GHR: variants seen among roughly 807,000 people sequenced by gnomAD.
GHR encodes growth hormone receptor, also known as GH receptor.
A neutral mutation model predicts 67.1 loss-of-function variants in GHR; 35 were observed. That is an observed-to-expected ratio of 0.52 (90% CI 0.40 to 0.69). The LOEUF (loss-of-function observed/expected upper bound fraction) is 0.69, where lower values mean the gene tolerates loss of function less well. GHR is among the 30% of genes least tolerant of loss of function. GHR has a pLI of 0.00. For synonymous variants in GHR, 272 were observed against 269.1 expected, an observed-to-expected ratio of 1.01 and a Z score of -0.10; for missense variants, 792 against 764.6, an observed-to-expected ratio of 1.04 and a Z score of -0.42.
chr5:42,538,325 T>C (rs904841592), intron 1 of GHR, among the ~76,000 whole-genome samples: 9 of 152,220 alleles, frequency 5.9e-5, no homozygotes, highest in African/African-American at 2.2e-4. Flanking sequence ...CAGGATTTGT[T>C]TCAAGATTTA....
intron 2 of GHR, among the ~76,000 whole-genome samples, chr5:42,626,220 A>G (rs1487950624): frequency 2.6e-5 from 4 of 152,216 alleles, no homozygotes; most frequent in Admixed American, 6.5e-5. Context: ...ATAGCATCAG[A>G]TAACCACAGG....
chr5:42,621,666 A>T (rs564094286), intron 2 of GHR, among the ~76,000 whole-genome samples: 2 of 152,164 alleles, frequency 1.3e-5, no homozygotes, highest in Admixed American at 1.3e-4. Context: ...GTATTTAAAC[A>T]TGTGCTTTTT....
intron 1 of GHR, among the ~76,000 whole-genome samples, chr5:42,456,858 T>C (rs1485558657): frequency 2.0e-5 from 3 of 152,132 alleles, no homozygotes; most frequent in Non-Finnish European, 4.4e-5. Context: ...AGAAACTCCA[T>C]CTCATTAATA....
At chr5:42,464,798 G>A (rs1744654943) in intron 1 of GHR, among the ~76,000 whole-genome samples, 1 of 152,130 alleles carries the variant, frequency 6.6e-6, no homozygotes, top group Admixed American at 6.5e-5. Context: ...ACTTACTAAT[G>A]TCTATCATTA....
At position 42,596,671 on chromosome 5, in the gene GHR, G is replaced by A. The variant is rs572825610; in HGVS notation, c.70+30727G>A. Among the ~76,000 whole-genome samples, 81 of 152,278 alleles carry A rather than the reference G, an allele frequency of 5.3e-4. 1 individual carries two copies. The highest frequency in any genetic ancestry group is 5.2e-3 in the Admixed American group (80 of 15,306). On this transcript the variant is annotated intron_variant, in intron 2 of 9. Coordinates refer to ENST00000230882, the MANE Select transcript of GHR (RefSeq NM_000163.5). ...TGCCAGTTCAGTGTTTGTGGTTGCA[G>A]GTAGTATCAGCTCCTCTCCTGATAT... is the stretch of plus-strand genomic sequence containing the variant.
chr5:42,482,356 T>C (rs961816945), intron 1 of GHR, among the ~76,000 whole-genome samples: 45 of 152,334 alleles, frequency 3.0e-4, no homozygotes, highest in African/African-American at 1.1e-3. Flanking sequence ...GCAGTCTGCC[T>C]GTTCTCAGAT....
chr5:42,596,572 C>A (rs373040900), intron 2 of GHR, among the ~76,000 whole-genome samples: 2 of 152,154 alleles, frequency 1.3e-5, no homozygotes, highest in South Asian at 2.1e-4. Context: ...AGCATTGACT[C>A]CTCCTCTGGT....
chr5:42,656,583 A>G (rs1013878968), intron 3 of GHR, among the ~76,000 whole-genome samples: 5 of 152,130 alleles, frequency 3.3e-5, no homozygotes, highest in African/African-American at 1.2e-4. Flanking sequence ...GAAAATATAT[A>G]TTGTATTGCC....
chr5:42,459,063 T>C (rs569390396), intron 1 of GHR, among the ~76,000 whole-genome samples: 2 of 152,310 alleles, frequency 1.3e-5, no homozygotes, highest in East Asian at 3.9e-4. Flanking sequence ...GGTGGGAATG[T>C]AAATTAGTTC....
intron 2 of GHR, among the ~76,000 whole-genome samples, chr5:42,588,526 CAAAAAAAAA>C (rs10716908): frequency 4.4e-5 from 2 of 45,142 alleles, no homozygotes; most frequent in African/African-American, 7.9e-5. Context: ...AACTCCATCT[CAAAAAAAAA>C]AAAAAAAAAA....
intron 1 of GHR, among the ~76,000 whole-genome samples, chr5:42,465,037 TTAAAGA>T (rs1449229878): frequency 5.9e-5 from 9 of 152,348 alleles, no homozygotes; most frequent in South Asian, 2.1e-4. Context: ...TGTGAACATC[TTAAAGA>T]TAAAGAATGA....
chr5:42,433,174 A>G (rs1004153014), intron 1 of GHR, among the ~76,000 whole-genome samples: 5 of 152,092 alleles, frequency 3.3e-5, no homozygotes, highest in Non-Finnish European at 7.4e-5. Context: ...CTTGGGAGAC[A>G]TATCTACTTT....
At chr5:42,634,357 A>G (rs1754067300) in intron 3 of GHR, among the ~76,000 whole-genome samples, 1 of 152,086 alleles carries the variant, frequency 6.6e-6, no homozygotes, top group African/African-American at 2.4e-5. Context: ...CCCTAAAATC[A>G]TTATGTCTTT....
intron 1 of GHR, among the ~76,000 whole-genome samples, chr5:42,550,938 C>T (rs1748997170): frequency 6.6e-6 from 1 of 152,138 alleles, no homozygotes. Flanking sequence ...CAACTTCTAG[C>T]CCTCTCTTTT....
intron 3 of GHR, among the ~76,000 whole-genome samples, chr5:42,667,740 T>C (rs1756063148): frequency 6.6e-6 from 1 of 152,192 alleles, no homozygotes; most frequent in Non-Finnish European, 1.5e-5. Context: ...CAGATTCTGA[T>C]CCAGTAGGTA....
chr5:42,456,494 T>C (rs1281449383), intron 1 of GHR, among the ~76,000 whole-genome samples: 1 of 152,158 alleles, frequency 6.6e-6, no homozygotes, highest in Non-Finnish European at 1.5e-5. Context: ...GTATAGTGCT[T>C]AAATGCCTTT....
intron 1 of GHR, among the ~76,000 whole-genome samples, chr5:42,503,168 C>T (rs1746614407): frequency 6.6e-6 from 1 of 152,174 alleles, no homozygotes; most frequent in East Asian, 1.9e-4. Flanking sequence ...TTATGCTCAA[C>T]CTTCTGAGCA....
At chr5:42,489,798 T>A (rs1282192853) in intron 1 of GHR, among the ~76,000 whole-genome samples, 1 of 152,200 alleles carries the variant, frequency 6.6e-6, no homozygotes, top group African/African-American at 2.4e-5. Context: ...TTCATCTTTA[T>A]AAATAAGACT....
At chr5:42,467,398 G>C in intron 1 of GHR, 2 of 928,862 alleles carry the variant, frequency 2.2e-6, no homozygotes, top group Non-Finnish European at 3.5e-6. Flanking sequence ...CTTCTCCCCA[G>C]TGTGGATCCT....
Sources: gnomAD v4.1 joint callset for allele counts (sites outside exome capture counted in the v4.1 genomes callset) on GRCh38, gnomAD v4.1.1 for gene constraint, MANE v1.5 for transcripts, NCBI Gene and HGNC (gene_info 2026-07-23, HGNC 2026-07-21) for gene names.